DSCAM: variants seen among roughly 807,000 people sequenced by gnomAD.
DSCAM encodes DS cell adhesion molecule.
Under a neutral mutation model 217.7 loss-of-function variants are expected in DSCAM, and 47 were observed. That is an observed-to-expected ratio of 0.22 (90% CI 0.17 to 0.28). DSCAM has a LOEUF of 0.28. Ranked by LOEUF, DSCAM falls within the 10% of genes least tolerant of loss-of-function variation. The pLI is 1.00. For missense variants in DSCAM, 2,080 were observed against 2,618.3 expected (o/e 0.79, Z 4.49); for synonymous variants, 1,056 against 1,015.3 (o/e 1.04, Z -0.76).
chr21:40,639,073 GCA>G (rs1491007247), intron 3 of DSCAM, among the ~76,000 whole-genome samples: 1 of 137,074 alleles, frequency 7.3e-6, no homozygotes, highest in Non-Finnish European at 1.6e-5. Flanking sequence ...TAAATATCCT[GCA>G]TTTTTTTTTT....
intron 3 of DSCAM, among the ~76,000 whole-genome samples, chr21:40,477,821 C>T (rs2075949941): frequency 6.6e-6 from 1 of 152,034 alleles, no homozygotes; most frequent in African/African-American, 2.4e-5. Flanking sequence ...ACATTTTCTC[C>T]ACTGACATTT....
At chr21:40,329,329 A>T (rs1013305562) in intron 8 of DSCAM, among the ~76,000 whole-genome samples, 3 of 152,202 alleles carry the variant, frequency 2.0e-5, no homozygotes, top group Non-Finnish European at 4.4e-5. Context: ...TGGTTGCCAA[A>T]AAAAGGGACA....
At chr21:40,711,737 C>T (rs778239509) in intron 1 of DSCAM, among the ~76,000 whole-genome samples, 3 of 152,176 alleles carry the variant, frequency 2.0e-5, no homozygotes, top group Non-Finnish European at 4.4e-5. Flanking sequence ...AGCCTGGCCC[C>T]CTCGTGTTAA....
chr21:40,555,092 C>T (rs1480298954), intron 3 of DSCAM, among the ~76,000 whole-genome samples: 5 of 152,116 alleles, frequency 3.3e-5, no homozygotes, highest in South Asian at 2.1e-4. Flanking sequence ...ATAGTTTATA[C>T]ATGATTAACT....
chr21:40,738,309 C>T (rs2837801), intron 1 of DSCAM, among the ~76,000 whole-genome samples: 60,154 of 152,052 alleles, frequency 0.4, 12,765 homozygotes, highest in East Asian at 0.47. Context: ...TTGCTCTTTT[C>T]CTAAAGCAAA....
intron 3 of DSCAM, among the ~76,000 whole-genome samples, chr21:40,404,209 G>A (rs2075262308): frequency 6.6e-6 from 1 of 152,022 alleles, no homozygotes; most frequent in Non-Finnish European, 1.5e-5. Flanking sequence ...ATTCATCTAT[G>A]GTACAAACAA....
chr21:40,213,223 T>C (rs888503300), intron 11 of DSCAM, among the ~76,000 whole-genome samples: 2 of 152,240 alleles, frequency 1.3e-5, no homozygotes, highest in African/African-American at 4.8e-5. Flanking sequence ...ATTCCACGTT[T>C]TGCTTTATTT....
chr21:40,630,300 C>T (rs2089671766), intron 3 of DSCAM, among the ~76,000 whole-genome samples: 1 of 152,174 alleles, frequency 6.6e-6, no homozygotes, highest in African/African-American at 2.4e-5. Context: ...ATTTTTGTTG[C>T]TTTAAATGGT....
rs537064419 is a variant in DSCAM at position 40,576,338 on chromosome 21, T to C, written c.508+116472A>G. Among the ~76,000 whole-genome samples the C allele has an allele frequency of 3.7e-3, 564 of 152,358 alleles. 2 individuals are homozygous for C. The highest frequency in any genetic ancestry group is 0.014 in the Middle Eastern group (4 of 294). ...AAGAATACATACCACTTGCTTCTAT[T>C]TACATAACAGGTAAAACTAATTTGT... On this transcript the variant is annotated intron_variant, in intron 3 of 32. Transcript: ENST00000400454.
At chr21:40,458,590 A>G (rs566513859) in intron 3 of DSCAM, among the ~76,000 whole-genome samples, 20 of 152,330 alleles carry the variant, frequency 1.3e-4, no homozygotes, top group Non-Finnish European at 1.9e-4. Flanking sequence ...ACAAGAATGA[A>G]TGCATTTGAA....
At chr21:40,232,354 T>A (rs2091389584) in intron 11 of DSCAM, among the ~76,000 whole-genome samples, 1 of 152,184 alleles carries the variant, frequency 6.6e-6, no homozygotes, top group Non-Finnish European at 1.5e-5. Context: ...AGATAATAAA[T>A]GTATGAATCT....
intron 11 of DSCAM, among the ~76,000 whole-genome samples, chr21:40,248,117 C>CTTTTT (rs1346420105): frequency 6.6e-6 from 1 of 152,168 alleles, no homozygotes. Flanking sequence ...AGCATGGGCA[C>CTTTTT]CCTGGTGTTG....
At chr21:40,361,543 C>T (rs1266152729) in intron 4 of DSCAM, among the ~76,000 whole-genome samples, 1 of 152,018 alleles carries the variant, frequency 6.6e-6, no homozygotes, top group Non-Finnish European at 1.5e-5. Context: ...CACTTGAACC[C>T]GGGAGGCAGA....
At chr21:40,812,704 T>G (rs992274209) in intron 1 of DSCAM, among the ~76,000 whole-genome samples, 1 of 152,208 alleles carries the variant, frequency 6.6e-6, no homozygotes, top group East Asian at 1.9e-4. Context: ...TAGAAAGTTA[T>G]GGGCACACAT....
At chr21:40,431,272 C>T (rs192880943) in intron 3 of DSCAM, among the ~76,000 whole-genome samples, 1 of 152,174 alleles carries the variant, frequency 6.6e-6, no homozygotes, top group Non-Finnish European at 1.5e-5. Context: ...CTGCCTCTGC[C>T]CCTCCTGAGA....
chr21:40,712,492 AAAAAG>A (rs2090792468), intron 1 of DSCAM, among the ~76,000 whole-genome samples: 1 of 148,036 alleles, frequency 6.8e-6, no homozygotes, highest in African/African-American at 2.5e-5. Context: ...AAAAAAAAAA[AAAAAG>A]AATCTAACAT....
At chr21:40,150,905 T>C (rs1286399967) in intron 16 of DSCAM, among the ~76,000 whole-genome samples, 2 of 152,206 alleles carry the variant, frequency 1.3e-5, no homozygotes, top group Middle Eastern at 3.2e-3. Context: ...TTCACTTTCA[T>C]GAAACTCAGT....
At chr21:40,136,363 C>T (rs946923834) in intron 18 of DSCAM, among the ~76,000 whole-genome samples, 22 of 152,108 alleles carry the variant, frequency 1.4e-4, no homozygotes, top group African/African-American at 4.8e-4. Context: ...GCCTGTGGTC[C>T]CAGCCTCCCA....
intron 16 of DSCAM, among the ~76,000 whole-genome samples, chr21:40,159,581 A>C (rs981896477): frequency 2.6e-5 from 4 of 152,174 alleles, no homozygotes; most frequent in African/African-American, 9.7e-5. Flanking sequence ...TATTTTTAAA[A>C]ATTAATTAAT....
Sources: allele counts gnomAD v4.1 joint callset (sites outside exome capture counted in the v4.1 genomes callset), GRCh38; gene constraint gnomAD v4.1.1; transcripts MANE v1.5; gene names NCBI Gene and HGNC (gene_info 2026-07-23, HGNC 2026-07-21).